The following ADARB2 variants were observed in gnomAD, a reference collection of about 807,000 sequenced individuals.
ADARB2 encodes adenosine deaminase RNA specific B2 (inactive).
Under a neutral mutation model 62.2 loss-of-function variants are expected in ADARB2, and 25 were observed. That is an observed-to-expected ratio of 0.40 (90% CI 0.29 to 0.56). ADARB2 has a LOEUF of 0.56. Among genes scored for constraint, ADARB2 ranks in the 20% least tolerant of loss-of-function variants. The probability of loss-of-function intolerance (pLI) is 0.43; values close to 1 mark genes in which losing one functional copy is unlikely to be tolerated. For synonymous variants in ADARB2, 572 were observed against 500.8 expected (o/e 1.14, Z -1.90); for missense variants, 1,071 against 1,077.4 (o/e 0.99, Z 0.08).
chr10:1,696,371 GGTC>G (rs1351424239), intron 1 of ADARB2, among the ~76,000 whole-genome samples: 1 of 152,058 alleles, frequency 6.6e-6, no homozygotes, highest in African/African-American at 2.4e-5. Flanking sequence ...CAGTGAGTGA[GGTC>G]GTGACAGATT....
chr10:1,517,290 A>G (rs1832019028), intron 1 of ADARB2, among the ~76,000 whole-genome samples: 1 of 152,200 alleles, frequency 6.6e-6, no homozygotes, highest in Non-Finnish European at 1.5e-5. Context: ...ATTTAGGCAA[A>G]TTAATATCCA....
chr10:1,315,916 A>G (rs999405916), intron 3 of ADARB2, among the ~76,000 whole-genome samples: 1 of 152,234 alleles, frequency 6.6e-6, no homozygotes, highest in Non-Finnish European at 1.5e-5. Flanking sequence ...TTTTCCTCTG[A>G]TCTTTAAATA....
chr10:1,227,203 A>C (rs555129763), intron 6 of ADARB2, among the ~76,000 whole-genome samples: 10 of 152,238 alleles, frequency 6.6e-5, no homozygotes, highest in African/African-American at 9.6e-5. Flanking sequence ...GGACCCTCCG[A>C]GCCAGGTGTG....
At chr10:1,323,254 A>C (rs1436399384) in intron 3 of ADARB2, among the ~76,000 whole-genome samples, 2 of 59,460 alleles carry the variant, frequency 3.4e-5, no homozygotes, top group Non-Finnish European at 6.9e-5. Flanking sequence ...AAATTGTAAA[A>C]AAAAAAAAAA....
intron 3 of ADARB2, among the ~76,000 whole-genome samples, chr10:1,298,720 A>C (rs1249241494): frequency 9.0e-6 from 1 of 110,782 alleles, no homozygotes. Flanking sequence ...TGCGACGGGA[A>C]TTTTTTTTTT....
chr10:1,487,428 A>T (rs539396044), intron 1 of ADARB2, among the ~76,000 whole-genome samples: 1 of 152,346 alleles, frequency 6.6e-6, no homozygotes, highest in Admixed American at 6.5e-5. Context: ...ACTTCTTTAT[A>T]GCTCTTGAGG....
At chr10:1,294,948 C>G (rs924955697) in intron 3 of ADARB2, among the ~76,000 whole-genome samples, 1 of 152,230 alleles carries the variant, frequency 6.6e-6, no homozygotes, top group Non-Finnish European at 1.5e-5. Flanking sequence ...CAGGATGTCT[C>G]TGTTTGTCAA....
chr10:1,473,241 C>T (rs558642619), intron 1 of ADARB2, among the ~76,000 whole-genome samples: 8 of 152,340 alleles, frequency 5.3e-5, no homozygotes, highest in African/African-American at 1.4e-4. Flanking sequence ...AAACTTGCCT[C>T]GGTCTCTTCT....
chr10:1,382,476 A>C (rs1018207857), intron 1 of ADARB2, among the ~76,000 whole-genome samples: 6 of 152,244 alleles, frequency 3.9e-5, no homozygotes, highest in Non-Finnish European at 8.8e-5. Flanking sequence ...AAAGAGGTGA[A>C]GAATTACATT....
intron 1 of ADARB2, among the ~76,000 whole-genome samples, chr10:1,638,472 A>G (rs891755291): frequency 6.6e-6 from 1 of 151,880 alleles, no homozygotes; most frequent in Non-Finnish European, 1.5e-5. Flanking sequence ...TTGAGACCTT[A>G]TAAAGCTTTG....
rs1390043561 is a variant in ADARB2, at chr10:1,552,845, C to CTTGGCAGGTATTTTA, written c.101-173700_101-173686dup. Among the ~76,000 whole-genome samples the CTTGGCAGGTATTTTA allele has an allele frequency of 2.0e-5, 3 of 152,332 alleles. No individual in the cohort carries two copies. The East Asian group carries it at 5.8e-4, about 29-fold the overall frequency. On this transcript the variant is annotated intron_variant, in intron 1 of 9. Coordinates refer to ENST00000381312, the MANE Select transcript of ADARB2 (RefSeq NM_018702.4). Reference sequence around the variant, plus strand: ...CGGAAATGGAATGGATCCTTGTGGTCTTGGCAGGTATTTTATTGGCCTAGA... The same window carrying CTTGGCAGGTATTTTA: ...CGGAAATGGAATGGATCCTTGTGGTCTTGGCAGGTATTTTATTGGCAGGTATTTTATTGGCCTAGA...
chr10:1,426,822 C>T lies in ADARB2; in HGVS notation c.101-47662G>A, dbSNP rs1832897175. Reference sequence around the variant, plus strand: ...TGCATCCCTTCTATACCCTGCTTCTCCCTTCAGACAAGGGGCAGACTCCTA... The same window carrying T: ...TGCATCCCTTCTATACCCTGCTTCTTCCTTCAGACAAGGGGCAGACTCCTA... On this transcript the variant is annotated intron_variant, in intron 1 of 9. Transcript: ENST00000381312. This position sits in a 1 kb window ranked among gnomAD's most constrained non-coding sequence, Gnocchi z 4.1. Among the ~76,000 whole-genome samples the T allele has an allele frequency of 6.6e-6, 1 of 152,232 alleles. No homozygotes were observed. Among genetic ancestry groups the T allele is most frequent in the South Asian group, 2.1e-4 (1 of 4,834 alleles).
chr10:1,575,409 G>A (rs555633417), intron 1 of ADARB2, among the ~76,000 whole-genome samples: 2 of 152,332 alleles, frequency 1.3e-5, no homozygotes, highest in Admixed American at 6.5e-5. Flanking sequence ...CAACTCACAG[G>A]TGGTGATCGT....
intron 1 of ADARB2, among the ~76,000 whole-genome samples, chr10:1,604,742 A>C (rs1221981702): frequency 6.6e-6 from 1 of 152,198 alleles, no homozygotes; most frequent in Non-Finnish European, 1.5e-5. Flanking sequence ...TCCTCAACGC[A>C]TGAGAACGTT....
chr10:1,381,901 T>A (rs1189785783), intron 1 of ADARB2, among the ~76,000 whole-genome samples: 1 of 152,124 alleles, frequency 6.6e-6, no homozygotes, highest in Non-Finnish European at 1.5e-5. Context: ...AGTGATAGGA[T>A]GAATGAGTTT....
At chr10:1,461,339 G>T (rs1322149477) in intron 1 of ADARB2, among the ~76,000 whole-genome samples, 2 of 152,212 alleles carry the variant, frequency 1.3e-5, no homozygotes, top group Non-Finnish European at 2.9e-5. Flanking sequence ...CAGGCCTGCA[G>T]TCCTGATGTT....
At chr10:1,675,674 T>C (rs1203759591) in intron 1 of ADARB2, among the ~76,000 whole-genome samples, 1 of 149,506 alleles carries the variant, frequency 6.7e-6, no homozygotes, top group African/African-American at 2.5e-5. Flanking sequence ...GGTTTGGGTT[T>C]GGGGGTTCAT....
At position 1,357,321 on chromosome 10, in the gene ADARB2, C is replaced by T. The variant is rs370615891; in HGVS notation, c.1077+5707G>A. Among the ~76,000 whole-genome samples, 19 of 152,264 alleles carry T rather than the reference C, an allele frequency of 1.2e-4. No homozygotes were observed. The East Asian group carries it at 2.3e-3, about 19-fold the overall frequency. ...CCCCACCCTAGGACACTGGCATATC[C>T]GTGACCTCTCTGAGTGCTCTGAGAA... On this transcript the variant is annotated intron_variant, in intron 3 of 9. Transcript: ENST00000381312.
intron 1 of ADARB2, among the ~76,000 whole-genome samples, chr10:1,421,926 T>TA (rs1230861548): frequency 1.5e-4 from 23 of 152,248 alleles, no homozygotes; most frequent in Non-Finnish European, 2.6e-4. Context: ...GCATGTGCTA[T>TA]TTCCATCTCA....
Sources: allele counts gnomAD v4.1 joint callset (sites outside exome capture counted in the v4.1 genomes callset), GRCh38; gene constraint gnomAD v4.1.1; non-coding constraint Gnocchi (gnomAD v3.1); transcripts MANE v1.5; gene names NCBI Gene and HGNC (gene_info 2026-07-23, HGNC 2026-07-21).